RPS6KA1: variants seen among roughly 807,000 people sequenced by gnomAD.
RPS6KA1 encodes the protein ribosomal protein S6 kinase A1.
A neutral mutation model predicts 91.3 loss-of-function variants in RPS6KA1; 48 were observed. That is an observed-to-expected ratio of 0.53 (90% CI 0.42 to 0.67). The LOEUF (loss-of-function observed/expected upper bound fraction) is 0.67, where lower values mean the gene tolerates loss of function less well. Ranked by LOEUF, RPS6KA1 falls within the 30% of genes least tolerant of loss-of-function variation. RPS6KA1 has a pLI of 0.00. For missense variants in RPS6KA1, 719 were observed against 960.5 expected, an observed-to-expected ratio of 0.75 and a Z score of 3.32; for synonymous variants, 359 against 384.7, an observed-to-expected ratio of 0.93 and a Z score of 0.78.
intron 2 of RPS6KA1, chr1:26,543,987 A>G (rs2075970240): frequency 4.6e-6 from 2 of 437,484 alleles, no homozygotes; most frequent in East Asian, 7.1e-5. Flanking sequence ...GGGAGATCTC[A>G]GAGGTGGGTC....
At position 26,561,388 on chromosome 1, in the gene RPS6KA1, A is replaced by T; in HGVS notation, c.1432-117A>T. On this transcript the variant is annotated intron_variant, in intron 16 of 21. Coordinates refer to ENST00000374168, the MANE Select transcript of RPS6KA1 (RefSeq NM_002953.4). The surrounding 1 kb of genome is among the most constrained non-coding windows in gnomAD (Gnocchi z 5.7). The stretch of plus-strand genomic sequence containing the variant: ...TTTGGGGAAGGCAGGACCACTGAAG[A>T]GCAAGCAGAACACCTGCCCAAGGCT... 7.5e-7 allele frequency: 1 copy of T among 1,335,638 alleles called. No homozygotes were observed. The highest frequency in any genetic ancestry group is 1.1e-6 in the Non-Finnish European group (1 of 947,120). 82.7% of individuals were successfully genotyped at this position (1,335,638 alleles called of 1,614,324 possible). A position where few individuals can be genotyped will look rare whatever the true frequency, so the allele number is the denominator to read the frequency against.
chr1:26,544,385 G>A (rs1020011390), intron 2 of RPS6KA1, among the ~76,000 whole-genome samples: 4 of 151,698 alleles, frequency 2.6e-5, no homozygotes, highest in Non-Finnish European at 4.4e-5. Context: ...GTCTCTGCCT[G>A]TTGGATACCT....
chr1:26,554,790 C>T lies in RPS6KA1; in HGVS notation c.756+52C>T. 1.3e-6 allele frequency: 2 copies of T among 1,554,606 alleles called. No individual in the cohort carries two copies. On this transcript the variant is annotated intron_variant, in intron 9 of 21. Coordinates refer to ENST00000374168, the MANE Select transcript of RPS6KA1 (RefSeq NM_002953.4). The surrounding 1 kb of genome is among the most constrained non-coding windows in gnomAD (Gnocchi z 4.6). The stretch of plus-strand genomic sequence containing the variant: ...TCCAGCCCAAGCCTCTGGCCTCAGT[C>T]TCCCTATCTGTACAGTGAGGGGGTT...
At chr1:26,562,825 CTTTTTTTTTTTTTTT>C (rs748764001) in intron 17 of RPS6KA1, among the ~76,000 whole-genome samples, 16 of 81,432 alleles carry the variant, frequency 2.0e-4, no homozygotes, top group African/African-American at 8.1e-4. Context: ...TCCTATTGTC[CTTTTTTTTTTTTTTT>C]TTTTTTTTTT....
intron 4 of RPS6KA1, among the ~76,000 whole-genome samples, chr1:26,550,170 C>A (rs926765393): frequency 6.7e-6 from 1 of 148,632 alleles, no homozygotes; most frequent in African/African-American, 2.5e-5. Context: ...TGAGCCACCA[C>A]GCCTGGCCAA....
At chr1:26,559,611 C>G (rs572168357) in intron 14 of RPS6KA1, among the ~76,000 whole-genome samples, 1 of 151,332 alleles carries the variant, frequency 6.6e-6, no homozygotes, top group South Asian at 2.1e-4. Flanking sequence ...AACTCCTGAC[C>G]TCAAGTGATC....
chr1:26,562,349 G>A (rs1338705212), intron 17 of RPS6KA1, among the ~76,000 whole-genome samples: 1 of 152,158 alleles, frequency 6.6e-6, no homozygotes, highest in African/African-American at 2.4e-5. Context: ...CACATAGCCC[G>A]GGAAGAATGG....
rs764656979 is a variant in RPS6KA1 at position 26,556,628 on chromosome 1, C to T, written c.917-26C>T. The T allele has an allele frequency of 5.0e-6, 8 of 1,613,588 alleles. No individual in the cohort carries two copies. In the Admixed American group the frequency reaches 5.0e-5, roughly 10 times the overall value. On this transcript the variant is annotated intron_variant, in intron 11 of 21. Transcript: ENST00000374168. ...ATCTGGGACTTGTGCCAGCCAGGGA[C>T]AGACCCTTCATTTGGGCTCTTTCAG...
At position 26,529,840 on chromosome 1, in the gene RPS6KA1, C is replaced by G; in HGVS notation, c.-81C>G. 5 of 1,122,232 alleles carry G rather than the reference C, an allele frequency of 4.5e-6. No homozygotes were observed. In the South Asian group the frequency reaches 1.3e-4, roughly 28 times the overall value. The allele number at this position is 1,122,232 out of a possible 1,614,324, so 69.5% of individuals were successfully genotyped here. On this transcript the variant is annotated 5_prime_UTR_variant, in exon 1 of 22. Coordinates refer to ENST00000374168, the MANE Select transcript of RPS6KA1 (RefSeq NM_002953.4). This position sits in a 1 kb window ranked among gnomAD's most constrained non-coding sequence, Gnocchi z 4.2. Reference sequence around the variant, plus strand: ...CTCGGGGGGGCGCGGCGGTTCGGGTCGCAGAGCCAGGGACCCCAGGACCCG... The same window carrying G: ...CTCGGGGGGGCGCGGCGGTTCGGGTGGCAGAGCCAGGGACCCCAGGACCCG...
At chr1:26,560,697 G>C in intron 14 of RPS6KA1, 29 bp from the exon 15 acceptor site, 1 of 1,613,956 alleles carries the variant, frequency 6.2e-7, no homozygotes, top group Non-Finnish European at 8.5e-7. Flanking sequence ...TAGAGCCAGG[G>C]GTCAGCCACA....
At position 26,551,724 on chromosome 1, in the gene RPS6KA1, G is replaced by A. The variant is rs1410021715; in HGVS notation, c.468+1G>A. The stretch of plus-strand genomic sequence containing the variant: ...CCTCTTCACCCGGCTCTCAAAAGAG[G>A]TGAGCTGACATCTACTGCCAGAGGG... On this transcript the variant is annotated splice_donor_variant, in intron 6 of 21. Transcript: ENST00000374168. LOFTEE classifies it high-confidence loss of function. This position sits in a 1 kb window ranked among gnomAD's most constrained non-coding sequence, Gnocchi z 4.5. 1 of 1,613,564 alleles carries A rather than the reference G, an allele frequency of 6.2e-7. No homozygotes were observed. The highest frequency in any genetic ancestry group is 8.5e-7 in the Non-Finnish European group (1 of 1,179,472).
At chr1:26,541,878 C>T (rs956363186) in intron 2 of RPS6KA1, among the ~76,000 whole-genome samples, 7 of 152,174 alleles carry the variant, frequency 4.6e-5, no homozygotes, top group East Asian at 3.8e-4. Context: ...CTAGAGACCA[C>T]GGATCAGGCC....
chr1:26,560,196 G>T (rs948633734), intron 14 of RPS6KA1, among the ~76,000 whole-genome samples: 1 of 152,254 alleles, frequency 6.6e-6, no homozygotes, highest in African/African-American at 2.4e-5. Flanking sequence ...AGGGCTGGCC[G>T]TGGGGCATGC....
chr1:26,561,530 A>G lies in RPS6KA1; in HGVS notation c.1457A>G (p.Tyr486Cys), dbSNP rs1264356442. 1 of 1,613,966 alleles carries G rather than the reference A, an allele frequency of 6.2e-7. No individual in the cohort carries two copies. Among genetic ancestry groups the G allele is most frequent in the Non-Finnish European group, 8.5e-7 (1 of 1,180,008 alleles). The change falls in exon 17 of 22, where the codon TAC becomes TGC. Residue 486 changes from tyrosine to cysteine, a missense_variant. Coordinates refer to ENST00000374168, the MANE Select transcript of RPS6KA1 (RefSeq NM_002953.4). The surrounding 1 kb of genome is among the most constrained non-coding windows in gnomAD (Gnocchi z 5.7). ...GTGTATGATGATGGCAAACACGTGT[A>G]CCTGGTGACAGAGCTGATGCGGGGT... ...KDVYDDGKHV[Y>C]LVTELMRGGE...
chr1:26,571,831 C>T lies in RPS6KA1; in HGVS notation c.1753-18C>T. The T allele has an allele frequency of 6.2e-7, 1 of 1,605,966 alleles. No homozygotes were observed. The highest frequency in any genetic ancestry group is 8.5e-7 in the Non-Finnish European group (1 of 1,179,030). On this transcript the variant is annotated intron_variant, in intron 18 of 21. Coordinates refer to ENST00000374168, the MANE Select transcript of RPS6KA1 (RefSeq NM_002953.4). The surrounding 1 kb of genome is among the most constrained non-coding windows in gnomAD (Gnocchi z 5.1). ...TACTGCCCCCCCAGACTGACCACCT[C>T]CCCTGCCCTGTTGCCAGGTGCTGAA...
At position 26,554,025 on chromosome 1, in the gene RPS6KA1, G is replaced by T. The variant is rs1168441445; in HGVS notation, c.576-189G>T. On this transcript the variant is annotated intron_variant, in intron 7 of 21. Coordinates refer to ENST00000374168, the MANE Select transcript of RPS6KA1 (RefSeq NM_002953.4). The surrounding 1 kb of genome is among the most constrained non-coding windows in gnomAD (Gnocchi z 4.6). Reference sequence around the variant, plus strand: ...TACTTGCCTCACACAGTTGCTTCAAGGATTAGCAAAAAAGATAGGCAACAC... The same window carrying T: ...TACTTGCCTCACACAGTTGCTTCAATGATTAGCAAAAAAGATAGGCAACAC... 1.7e-6 allele frequency: 1 copy of T among 571,976 alleles called. No homozygotes were observed. The highest frequency in any genetic ancestry group is 3.1e-5 in the East Asian group (1 of 32,600). 35.4% of individuals were successfully genotyped at this position (571,976 alleles called of 1,614,324 possible).
chr1:26,553,921 C>A (rs2076075852), intron 7 of RPS6KA1: 1 of 357,982 alleles, frequency 2.8e-6, no homozygotes, highest in Non-Finnish European at 5.1e-6. Context: ...ACTAGCTAGA[C>A]TTACTAGCTC....
At chr1:26,553,986 C>T (rs749055788) in intron 7 of RPS6KA1, 24 of 484,934 alleles carry the variant, frequency 4.9e-5, no homozygotes, top group Non-Finnish European at 7.0e-5. Context: ...ATTAGCAAAA[C>T]GGGGCCCTAA....
chr1:26,567,670 T>G (rs184428571), intron 17 of RPS6KA1, among the ~76,000 whole-genome samples: 132 of 152,242 alleles, frequency 8.7e-4, no homozygotes, highest in African/African-American at 3.0e-3. Flanking sequence ...TGAGCCACCA[T>G]GCCTGGCCTG....
Sources: gnomAD v4.1 joint callset for allele counts (sites outside exome capture counted in the v4.1 genomes callset) on GRCh38, gnomAD v4.1.1 for gene constraint, Gnocchi (gnomAD v3.1) non-coding constraint, MANE v1.5 for transcripts, NCBI Gene and HGNC (gene_info 2026-07-23, HGNC 2026-07-21) for gene names.